Variants in ABI1 observed in about 807,000 individuals in gnomAD.
ABI1 encodes the protein abl interactor 1, also known as Abelson interactor 1.
In ABI1, 14 loss-of-function variants were observed where a neutral mutation model predicts 54.6. The observed-to-expected ratio is 0.26, with a 90% CI of 0.17 to 0.40. ABI1 has a LOEUF of 0.40. ABI1 is among the 10% of genes least tolerant of loss of function. The probability of loss-of-function intolerance (pLI) is 1.00; values close to 1 mark genes in which losing one functional copy is unlikely to be tolerated. For missense variants in ABI1, 443 were observed against 598.3 expected, an observed-to-expected ratio of 0.74 and a Z score of 2.71; for synonymous variants, 194 against 209.3, an observed-to-expected ratio of 0.93 and a Z score of 0.63.
chr10:26,821,164 G>T (rs2047950346), intron 2 of ABI1, among the ~76,000 whole-genome samples: 1 of 148,000 alleles, frequency 6.8e-6, no homozygotes, highest in Non-Finnish European at 1.5e-5. Flanking sequence ...AGAAAGGCTT[G>T]AACCTGAAAG....
intron 8 of ABI1, 69 bp downstream of exon 8, chr10:26,758,993 A>T: frequency 1.4e-6 from 2 of 1,424,508 alleles, no homozygotes; most frequent in Non-Finnish European, 1.9e-6. Context: ...TGGCAAGAAT[A>T]ACAGTTTCAA....
At chr10:26,842,484 C>CA (rs150682956) in intron 1 of ABI1, among the ~76,000 whole-genome samples, 5,434 of 151,606 alleles carry the variant, frequency 0.036, 282 homozygotes, top group East Asian at 0.2. Flanking sequence ...GTGTGGAATC[C>CA]AAAAAGAAAA....
chr10:26,850,947 AAC>A (rs1277483683), intron 1 of ABI1, among the ~76,000 whole-genome samples: 1 of 152,214 alleles, frequency 6.6e-6, no homozygotes, highest in African/African-American at 2.4e-5. Flanking sequence ...ACTTAATAGT[AAC>A]AGAGAATAAT....
At chr10:26,777,359 C>T in intron 2 of ABI1, 118 bp from the exon 3 acceptor site, 1 of 662,184 alleles carries the variant, frequency 1.5e-6, no homozygotes, top group Non-Finnish European at 2.4e-6. Context: ...TGTCTATTTT[C>T]CAGTGAATAC....
At chr10:26,773,900 G>GT (rs1304981934) in intron 3 of ABI1, among the ~76,000 whole-genome samples, 2 of 152,106 alleles carry the variant, frequency 1.3e-5, no homozygotes, top group Admixed American at 6.5e-5. Context: ...TCCAAAAAAA[G>GT]TAACACATCT....
chr10:26,771,085 A>G lies in ABI1; in HGVS notation c.467T>C (p.Leu156Pro). ...AGTAATGGCTCTTACCTTGGCTTTT[A>G]GCCACTTTACGTTGGCAAAAAAAGG... ...LDDVGHGVKWLKAKHGNNQPA... is the reference protein window; with the variant it reads ...LDDVGHGVKWPKAKHGNNQPA... The change falls in exon 4 of 11, where the codon CTA (leucine) becomes CCA (proline). Residue 156 changes from leucine to proline, a missense_variant. Transcript: ENST00000376140. 2 of 1,613,688 alleles carry G rather than the reference A, an allele frequency of 1.2e-6. No homozygotes were observed. Among genetic ancestry groups the G allele is most frequent in the East Asian group, 2.2e-5 (1 of 44,788 alleles).
At chr10:26,825,576 G>A (rs1486289449) in intron 1 of ABI1, among the ~76,000 whole-genome samples, 2 of 152,136 alleles carry the variant, frequency 1.3e-5, no homozygotes, top group Admixed American at 6.6e-5. Flanking sequence ...CAGGAGAATC[G>A]CTTGAGCCCA....
chr10:26,757,465 G>C (rs1373149780), intron 8 of ABI1, among the ~76,000 whole-genome samples: 1 of 151,732 alleles, frequency 6.6e-6, no homozygotes, highest in Non-Finnish European at 1.5e-5. Flanking sequence ...GTGGGGAAAA[G>C]AAAAATAATA....
At chr10:26,849,266 A>AC (rs1564582845) in intron 1 of ABI1, among the ~76,000 whole-genome samples, 7 of 152,140 alleles carry the variant, frequency 4.6e-5, no homozygotes, top group African/African-American at 1.7e-4. Context: ...GCAATGTCAC[A>AC]GACGATACTA....
At position 26,751,799 on chromosome 10, in the gene ABI1, T is replaced by C. The variant is rs777267993; in HGVS notation, c.1085-16A>G. 6.3e-7 allele frequency: 1 copy of C among 1,583,484 alleles called. No homozygotes were observed. Among genetic ancestry groups the C allele is most frequent in the Non-Finnish European group, 8.6e-7 (1 of 1,164,916 alleles). On this transcript the variant is annotated splice_polypyrimidine_tract_variant and intron_variant, in intron 9 of 10. Transcript: ENST00000376140. ...CTATCAGCAACTAAAAAGATTCATA[T>C]GATTGATTTGAATCAAAAATAAGTC...
rs2048392867 is a variant in ABI1 at position 26,827,633 on chromosome 10, C to A, written c.118-4328G>T. On this transcript the variant is annotated intron_variant, in intron 1 of 10. Coordinates refer to ENST00000376140, the MANE Select transcript of ABI1 (RefSeq NM_001012750.3). ...TTTGAGATGGAGTCTTGCTCTGTCA[C>A]TCAGGCTGGAGTGCAATGGAGTGAT... 4.8e-5 allele frequency among the ~76,000 whole-genome samples: 7 copies of A among 146,560 alleles called. No individual in the cohort carries two copies. In the South Asian group the frequency reaches 1.5e-3, roughly 31 times the overall value.
intron 10 of ABI1, among the ~76,000 whole-genome samples, chr10:26,749,811 T>C (rs1418086990): frequency 6.6e-6 from 1 of 152,244 alleles, no homozygotes; most frequent in East Asian, 1.9e-4. Flanking sequence ...TACTTACTCA[T>C]GTATTGTCTA....
rs549444990 is a variant in ABI1 at position 26,776,710 on chromosome 10, C to T, written c.462+355G>A. ...TATATATACATATTTAGAAATGAAA[C>T]GATAAAAGTATTTATAAATTATTTT... is the stretch of plus-strand genomic sequence containing the variant. On this transcript the variant is annotated intron_variant, in intron 3 of 10. Coordinates refer to ENST00000376140, the MANE Select transcript of ABI1 (RefSeq NM_001012750.3). 1.4e-4 allele frequency: 23 copies of T among 164,946 alleles called. 1 individual carries two copies. In the South Asian group the frequency reaches 2.9e-3, roughly 21 times the overall value. 10.2% of individuals were successfully genotyped at this position (164,946 alleles called of 1,614,324 possible).
At chr10:26,772,480 T>A (rs186086286) in intron 3 of ABI1, among the ~76,000 whole-genome samples, 1 of 152,262 alleles carries the variant, frequency 6.6e-6, no homozygotes, top group African/African-American at 2.4e-5. Context: ...AAAATTAGCA[T>A]TCAAGTATAA....
intron 2 of ABI1, among the ~76,000 whole-genome samples, chr10:26,796,586 C>T (rs999196845): frequency 3.3e-5 from 5 of 152,162 alleles, no homozygotes; most frequent in Admixed American, 2.0e-4. Flanking sequence ...GAATACATTT[C>T]TCAGAACATT....
At chr10:26,817,857 G>A (rs2047676568) in intron 2 of ABI1, among the ~76,000 whole-genome samples, 1 of 151,962 alleles carries the variant, frequency 6.6e-6, no homozygotes, top group Non-Finnish European at 1.5e-5. Flanking sequence ...AAAACTCTGG[G>A]CTATAAAACA....
chr10:26,789,027 T>C (rs1000693084), intron 2 of ABI1: 1 of 151,830 alleles, frequency 6.6e-6, no homozygotes, highest in Non-Finnish European at 1.5e-5. Context: ...CCTCATTTTC[T>C]TGGCAGGAAC....
At chr10:26,852,465 A>G (rs10764658) in intron 1 of ABI1, among the ~76,000 whole-genome samples, 39,077 of 152,020 alleles carry the variant, frequency 0.26, 5,722 homozygotes, top group South Asian at 0.44. Context: ...GGCAACAAGA[A>G]CGAAACTCTG....
intron 2 of ABI1, among the ~76,000 whole-genome samples, chr10:26,806,495 G>T (rs1040901819): frequency 6.6e-6 from 1 of 152,124 alleles, no homozygotes; most frequent in African/African-American, 2.4e-5. Context: ...CAGGTTTGTG[G>T]GTGTCAAGAG....
Sources: gnomAD v4.1 joint callset for allele counts (sites outside exome capture counted in the v4.1 genomes callset) on GRCh38, gnomAD v4.1.1 for gene constraint, MANE v1.5 for transcripts, NCBI Gene and HGNC (gene_info 2026-07-23, HGNC 2026-07-21) for gene names.